The following PPARGC1A variants were observed in gnomAD, a reference collection of about 807,000 sequenced individuals.
The protein encoded by PPARGC1A is peroxisome proliferator-activated receptor gamma coactivator 1-alpha.
PPARGC1A carries 25 observed loss-of-function variants against 88.7 expected under a neutral mutation model. That is an observed-to-expected ratio of 0.28 (90% CI 0.21 to 0.39). The LOEUF is 0.39. Among genes scored for constraint, PPARGC1A ranks in the 10% least tolerant of loss-of-function variants. The probability of loss-of-function intolerance (pLI) is 1.00; values close to 1 mark genes in which losing one functional copy is unlikely to be tolerated. For missense variants in PPARGC1A, 880 were observed against 968.7 expected (o/e 0.91, Z 1.22); for synonymous variants, 363 against 355.6 (o/e 1.02, Z -0.24).
chr4:23,836,626 G>A (rs1726066961), intron 2 of PPARGC1A, among the ~76,000 whole-genome samples: 1 of 152,170 alleles, frequency 6.6e-6, no homozygotes, highest in African/African-American at 2.4e-5. Flanking sequence ...TGCTCTTTGG[G>A]ACAGCTGAGT....
chr4:24,413,240 ATT>A, the PPARGC1A span, among the ~76,000 whole-genome samples: 15 of 141,078 alleles, frequency 1.1e-4, no homozygotes, highest in Admixed American at 3.5e-4. Context: ...GCCTGGCTTC[ATT>A]TTTTTTTTTT....
chr4:24,324,110 C>T, the PPARGC1A span, among the ~76,000 whole-genome samples: 2 of 152,140 alleles, frequency 1.3e-5, no homozygotes, highest in African/African-American at 2.4e-5. Context: ...GATTATACAC[C>T]CACGTTTCAA....
the PPARGC1A span, among the ~76,000 whole-genome samples, chr4:24,145,027 C>T: frequency 6.6e-6 from 1 of 150,656 alleles, no homozygotes; most frequent in Non-Finnish European, 1.5e-5. Context: ...GACTCCATAC[C>T]CTTCTGCAGT....
the PPARGC1A span, among the ~76,000 whole-genome samples, chr4:23,920,320 T>A: frequency 6.6e-6 from 1 of 152,212 alleles, no homozygotes; most frequent in South Asian, 2.1e-4. Flanking sequence ...GTCTTTTCCC[T>A]GAAAAGAGCC....
chr4:24,013,442 T>A, the PPARGC1A span, among the ~76,000 whole-genome samples: 1 of 152,092 alleles, frequency 6.6e-6, no homozygotes, highest in East Asian at 1.9e-4. Flanking sequence ...TCTCTCCTTC[T>A]TCTCTTTGTA....
chr4:24,087,770 TG>T, the PPARGC1A span, among the ~76,000 whole-genome samples: 1 of 152,242 alleles, frequency 6.6e-6, no homozygotes, highest in Admixed American at 6.5e-5. Context: ...CAGCTGCTGT[TG>T]GTTTTCCAGG....
chr4:23,838,451 A>T (rs980843900), intron 2 of PPARGC1A, among the ~76,000 whole-genome samples: 2 of 152,182 alleles, frequency 1.3e-5, no homozygotes, highest in African/African-American at 2.4e-5. Context: ...GGCTGAGAAT[A>T]AGGTATGGGC....
At chr4:23,932,890 G>C in the PPARGC1A span, among the ~76,000 whole-genome samples, 677 of 152,234 alleles carry the variant, frequency 4.4e-3, 11 homozygotes, top group East Asian at 0.027. Context: ...CCAACACATG[G>C]GGTCCAGGAA....
chr4:24,343,825 T>C, the PPARGC1A span, among the ~76,000 whole-genome samples: 519 of 152,168 alleles, frequency 3.4e-3, 4 homozygotes, highest in African/African-American at 0.012. Context: ...ATTTGTGAGA[T>C]TGTGGTGCAC....
chr4:24,438,060 G>A, the PPARGC1A span, among the ~76,000 whole-genome samples: 4 of 152,160 alleles, frequency 2.6e-5, no homozygotes, highest in African/African-American at 9.7e-5. Context: ...AGGAGGGACA[G>A]ATCCAGCAAG....
At chr4:24,122,872 C>T in the PPARGC1A span, among the ~76,000 whole-genome samples, 1 of 152,142 alleles carries the variant, frequency 6.6e-6, no homozygotes, top group Non-Finnish European at 1.5e-5. Context: ...CAATAAGGTG[C>T]TGGCAATTTG....
the PPARGC1A span, among the ~76,000 whole-genome samples, chr4:23,967,509 C>T: frequency 1.3e-5 from 2 of 152,002 alleles, no homozygotes; most frequent in African/African-American, 2.4e-5. Context: ...ACTCGGGAAC[C>T]GGGCTTCTGA....
chr4:24,062,442 C>A, the PPARGC1A span, among the ~76,000 whole-genome samples: 1 of 152,220 alleles, frequency 6.6e-6, no homozygotes, highest in African/African-American at 2.4e-5. Context: ...AGAGTATAAT[C>A]TGCAAGTAGA....
chr4:24,276,539 A>G, the PPARGC1A span, among the ~76,000 whole-genome samples: 2,718 of 152,204 alleles, frequency 0.018, 91 homozygotes, highest in African/African-American at 0.062. Context: ...TATTCTTCAA[A>G]GTTTAGGAAC....
chr4:23,848,998 G>C (rs1454465483), intron 2 of PPARGC1A, among the ~76,000 whole-genome samples: 1 of 152,038 alleles, frequency 6.6e-6, no homozygotes, highest in Non-Finnish European at 1.5e-5. Flanking sequence ...AAAAAATTTA[G>C]CCGGGCGTGG....
At chr4:24,273,122 A>T in the PPARGC1A span, among the ~76,000 whole-genome samples, 2 of 152,186 alleles carry the variant, frequency 1.3e-5, no homozygotes, top group African/African-American at 4.8e-5. Flanking sequence ...TTTAAAGCAA[A>T]TGTTCCCATT....
the PPARGC1A span, among the ~76,000 whole-genome samples, chr4:24,015,269 T>C: frequency 3.9e-5 from 6 of 152,124 alleles, no homozygotes; most frequent in African/African-American, 1.2e-4. Context: ...ATAGATGAGA[T>C]AGAGATAGAG....
the PPARGC1A span, among the ~76,000 whole-genome samples, chr4:24,216,187 G>A: frequency 6.7e-5 from 8 of 119,486 alleles, no homozygotes; most frequent in African/African-American, 1.3e-4. Context: ...TCTCCCTGTC[G>A]CCCAGACCGG....
chr4:24,123,921 A>AC, the PPARGC1A span, among the ~76,000 whole-genome samples: 6 of 151,536 alleles, frequency 4.0e-5, no homozygotes, highest in Admixed American at 1.3e-4. Context: ...AAAAAAAAAA[A>AC]AAAACAAAAA....
Sources: gnomAD v4.1 joint callset for allele counts (sites outside exome capture counted in the v4.1 genomes callset) on GRCh38, gnomAD v4.1.1 for gene constraint, MANE v1.5 for transcripts, NCBI Gene and HGNC (gene_info 2026-07-23, HGNC 2026-07-21) for gene names.